Variants in PHACTR3 observed in about 807,000 individuals in gnomAD.
The protein encoded by PHACTR3 is protein phosphatase 1, regulatory subunit 123.
Under a neutral mutation model 66.8 loss-of-function variants are expected in PHACTR3, and 16 were observed. That is an observed-to-expected ratio of 0.24 (90% CI 0.16 to 0.36). PHACTR3 has a LOEUF of 0.36. Among genes scored for constraint, PHACTR3 ranks in the 10% least tolerant of loss-of-function variants. The pLI is 1.00. For missense variants in PHACTR3, 647 were observed against 719.9 expected (o/e 0.90, Z 1.16); for synonymous variants, 323 against 292.1 (o/e 1.11, Z -1.08).
chr20:59,790,843 TCTTTC>T (rs1489389456), intron 7 of PHACTR3, among the ~76,000 whole-genome samples: 5 of 152,134 alleles, frequency 3.3e-5, no homozygotes, highest in African/African-American at 9.7e-5. Flanking sequence ...AGGAATACTA[TCTTTC>T]CTTAATACTA....
chr20:59,585,940 G>C (rs2033016544), intron 1 of PHACTR3, among the ~76,000 whole-genome samples: 1 of 152,226 alleles, frequency 6.6e-6, no homozygotes, highest in Admixed American at 6.5e-5. Flanking sequence ...GGTGGAAGCT[G>C]GCTCTTCCTC....
At chr20:59,600,653 T>C (rs1048738183), upstream of PHACTR3, among the ~76,000 whole-genome samples, 5 of 152,236 alleles carry the variant, frequency 3.3e-5, no homozygotes, top group Admixed American at 3.3e-4. Flanking sequence ...CCTTTGCCTT[T>C]GCGGTTTTGT....
chr20:59,842,406 T>C (rs1432968544), intron 11 of PHACTR3, among the ~76,000 whole-genome samples: 1 of 152,198 alleles, frequency 6.6e-6, no homozygotes, highest in Non-Finnish European at 1.5e-5. Context: ...TGTGAACGTG[T>C]TGGACTAACT....
chr20:59,617,897 C>T (rs980757480), intron 1 of PHACTR3, among the ~76,000 whole-genome samples: 6 of 152,206 alleles, frequency 3.9e-5, no homozygotes, highest in African/African-American at 9.7e-5. Flanking sequence ...CGCAGCAAAC[C>T]GACCTGTTGC....
chr20:59,634,845 C>T lies in PHACTR3; in HGVS notation c.118+29713C>T, dbSNP rs116006201. On this transcript the variant is annotated intron_variant, in intron 1 of 12. Coordinates refer to ENST00000371015, the MANE Select transcript of PHACTR3 (RefSeq NM_080672.5). ...AACACTCGAAATGTGGCTCATGCAA[C>T]CTCAGAATGGAATTTTTAAATTTTA... 7.4e-3 allele frequency among the ~76,000 whole-genome samples: 1,132 copies of T among 152,236 alleles called. 25 individuals carry two copies. Among genetic ancestry groups the T allele is most frequent in the African/African-American group, 0.026 (1,061 of 41,546 alleles).
chr20:59,712,714 G>C (rs1231161694), intron 1 of PHACTR3, among the ~76,000 whole-genome samples: 1 of 152,158 alleles, frequency 6.6e-6, no homozygotes, highest in Non-Finnish European at 1.5e-5. Context: ...TGGGTGACTT[G>C]TATTTTTAGA....
At chr20:59,616,968 C>G (rs370305855) in intron 1 of PHACTR3, among the ~76,000 whole-genome samples, 4 of 152,060 alleles carry the variant, frequency 2.6e-5, no homozygotes, top group Non-Finnish European at 1.5e-5. Context: ...CTCGCTTCCC[C>G]GTTGGGAGTC....
chr20:59,610,301 C>T (rs1201285456), intron 1 of PHACTR3, among the ~76,000 whole-genome samples: 3 of 152,186 alleles, frequency 2.0e-5, no homozygotes, highest in Admixed American at 1.3e-4. Context: ...ACCCTAACAC[C>T]ACACAGAAGC....
intron 1 of PHACTR3, among the ~76,000 whole-genome samples, chr20:59,710,243 A>C (rs13042380): frequency 0.25 from 37,494 of 152,174 alleles, 5,956 homozygotes; most frequent in Non-Finnish European, 0.36. Flanking sequence ...AAGAATGGAA[A>C]AGATAGATGT....
intron 1 of PHACTR3, among the ~76,000 whole-genome samples, chr20:59,713,298 G>A (rs1014575092): frequency 5.3e-5 from 8 of 152,108 alleles, no homozygotes; most frequent in Non-Finnish European, 1.2e-4. Context: ...TTTCTACTAG[G>A]CATAGGACAT....
rs574036068 is a variant in PHACTR3 at position 59,583,442 on chromosome 20, T to C, written c.109+5825T>C. Among the ~76,000 whole-genome samples, 5 of 152,304 alleles carry C rather than the reference T, an allele frequency of 3.3e-5. No individual in the cohort carries two copies. In the East Asian group the frequency reaches 9.7e-4, roughly 29 times the overall value. On this transcript the variant is annotated intron_variant, in intron 1 of 12. Transcript: ENST00000359926. Reference sequence around the variant, plus strand: ...AGCCTACATGGTTTTATTAATACGATTGACAATTGGCTGTACATTTCCCAA... The same window carrying C: ...AGCCTACATGGTTTTATTAATACGACTGACAATTGGCTGTACATTTCCCAA...
At chr20:59,731,256 T>G (rs1467002256) in intron 1 of PHACTR3, among the ~76,000 whole-genome samples, 1 of 152,216 alleles carries the variant, frequency 6.6e-6, no homozygotes, top group Non-Finnish European at 1.5e-5. Flanking sequence ...ATTTTCCTCC[T>G]TTTCTGTAAA....
At chr20:59,671,438 C>G (rs1397452431) in intron 1 of PHACTR3, among the ~76,000 whole-genome samples, 3 of 152,176 alleles carry the variant, frequency 2.0e-5, no homozygotes, top group Non-Finnish European at 4.4e-5. Flanking sequence ...CCCTCCTCTG[C>G]TTTAGTTGGT....
At position 59,806,092 on chromosome 20, in the gene PHACTR3, A is replaced by G; in HGVS notation, c.1226A>G (p.Asn409Ser). Reference protein sequence around the residue: ...KKELLAVKLRNRPSKQELEDR... With the variant: ...KKELLAVKLRSRPSKQELEDR... ...GAGCTCCTGGCCGTGAAGCTAAGGAACCGGCCAAGCAAACAGGAACTAGAA... is the reference window on the plus strand; with the variant it reads ...GAGCTCCTGGCCGTGAAGCTAAGGAGCCGGCCAAGCAAACAGGAACTAGAA... Residue 409 changes from asparagine to serine, a missense_variant, in exon 8 of 13, where the codon AAC becomes AGC. This residue lies in a region of PHACTR3 where 577 missense variants were observed against 571.1 expected (regional missense o/e 1.01). Coordinates refer to ENST00000371015, the MANE Select transcript of PHACTR3 (RefSeq NM_080672.5). The G allele has an allele frequency of 6.2e-7, 1 of 1,614,242 alleles. No individual in the cohort carries two copies. The highest frequency in any genetic ancestry group is 8.5e-7 in the Non-Finnish European group (1 of 1,180,032).
At chr20:59,667,054 G>A (rs779296818) in intron 1 of PHACTR3, among the ~76,000 whole-genome samples, 36 of 152,238 alleles carry the variant, frequency 2.4e-4, no homozygotes, top group Admixed American at 8.5e-4. Flanking sequence ...GTCCTGACAA[G>A]TAACGTGGGA....
intron 1 of PHACTR3, among the ~76,000 whole-genome samples, chr20:59,704,478 T>C (rs1601145011): frequency 6.6e-6 from 1 of 151,952 alleles, no homozygotes; most frequent in South Asian, 2.1e-4. Context: ...CCACTTCAGC[T>C]CATGGGAAAT....
chr20:59,624,382 C>T (rs2146373836), intron 1 of PHACTR3, among the ~76,000 whole-genome samples: 1 of 152,234 alleles, frequency 6.6e-6, no homozygotes, highest in Middle Eastern at 3.4e-3. Context: ...CGCCGGGGGT[C>T]TTGTCTATGC....
At chr20:59,696,783 G>T (rs1333154335) in intron 1 of PHACTR3, among the ~76,000 whole-genome samples, 1 of 152,122 alleles carries the variant, frequency 6.6e-6, no homozygotes, top group Non-Finnish European at 1.5e-5. Context: ...ATGGACCCTG[G>T]GTGGCAGGGC....
At chr20:59,754,729 G>A (rs2039722563) in intron 3 of PHACTR3, among the ~76,000 whole-genome samples, 1 of 152,230 alleles carries the variant, frequency 6.6e-6, no homozygotes, top group Non-Finnish European at 1.5e-5. Flanking sequence ...TGCTGGGCAT[G>A]TCTTCAGGAC....
Sources: allele counts gnomAD v4.1 joint callset (sites outside exome capture counted in the v4.1 genomes callset), GRCh38; gene constraint gnomAD v4.1.1; regional missense constraint gnomAD v4.1.1; transcripts MANE v1.5; gene names NCBI Gene and HGNC (gene_info 2026-07-23, HGNC 2026-07-21).